The following DPP10 variants were observed in gnomAD, a reference collection of about 807,000 sequenced individuals.
DPP10 encodes the protein inactive dipeptidyl peptidase 10.
In DPP10, 33 loss-of-function variants were observed where a neutral mutation model predicts 120.9. That is an observed-to-expected ratio of 0.27 (90% CI 0.21 to 0.37). The LOEUF (loss-of-function observed/expected upper bound fraction) is 0.37, where lower values mean the gene tolerates loss of function less well. Among genes scored for constraint, DPP10 ranks in the 10% least tolerant of loss-of-function variants. The pLI, the probability that DPP10 is intolerant of heterozygous loss-of-function variation, is 1.00. For missense variants in DPP10, 816 were observed against 942.8 expected (o/e 0.87, Z 1.76); for synonymous variants, 337 against 326.1 (o/e 1.03, Z -0.36).
intron 5 of DPP10, among the ~76,000 whole-genome samples, chr2:115,646,374 G>A (rs2087259158): frequency 1.3e-5 from 2 of 151,802 alleles, no homozygotes; most frequent in Non-Finnish European, 2.9e-5. Flanking sequence ...GCCTGACTCT[G>A]GGTAAAAAAA....
chr2:115,472,904 A>T (rs568200741), intron 3 of DPP10, among the ~76,000 whole-genome samples: 14 of 152,168 alleles, frequency 9.2e-5, no homozygotes, highest in African/African-American at 3.4e-4. Context: ...GAAGGCATGT[A>T]TTTGCCTGTT....
At chr2:114,869,887 C>T (rs944593905) in intron 1 of DPP10, among the ~76,000 whole-genome samples, 2 of 152,144 alleles carry the variant, frequency 1.3e-5, no homozygotes, top group African/African-American at 4.8e-5. Flanking sequence ...CCCTTACTGG[C>T]TGTATGGACT....
chr2:115,156,091 A>G, intron 1 of DPP10, among the ~76,000 whole-genome samples: 1 of 152,296 alleles, frequency 6.6e-6, no homozygotes, highest in African/African-American at 2.4e-5. Context: ...AGGGATATAC[A>G]CTAGCAAGCA....
chr2:114,972,727 C>T (rs1699477893), intron 1 of DPP10, among the ~76,000 whole-genome samples: 1 of 152,168 alleles, frequency 6.6e-6, no homozygotes, highest in Admixed American at 6.5e-5. Flanking sequence ...GTATTCTAAT[C>T]AAGAAAGTGT....
intron 3 of DPP10, among the ~76,000 whole-genome samples, chr2:115,402,430 T>A (rs553264604): frequency 6.6e-6 from 1 of 152,170 alleles, no homozygotes; most frequent in South Asian, 2.1e-4. Context: ...GGTTATTCAG[T>A]AAACAAATCA....
intron 3 of DPP10, among the ~76,000 whole-genome samples, chr2:115,462,366 T>C (rs990572655): frequency 5.3e-5 from 8 of 152,176 alleles, no homozygotes; most frequent in African/African-American, 1.7e-4. Context: ...TTTTCTACAA[T>C]TAATACTTCT....
intron 21 of DPP10, 58 bp from the exon 22 acceptor site, chr2:115,836,099 A>ATGTGTG (rs10549769): frequency 3.5e-5 from 21 of 608,280 alleles, no homozygotes; most frequent in African/African-American, 3.4e-4. Context: ...GTGTGTGTGT[A>ATGTGTG]TGTGTGTGTG....
At chr2:115,324,618 A>G (rs766522176) in intron 2 of DPP10, among the ~76,000 whole-genome samples, 2 of 152,132 alleles carry the variant, frequency 1.3e-5, no homozygotes, top group East Asian at 1.9e-4. Context: ...TTGATCTTCT[A>G]TCCAGAACAC....
At chr2:114,505,033 C>A (rs1683515598) in intron 1 of DPP10, among the ~76,000 whole-genome samples, 1 of 104,898 alleles carries the variant, frequency 9.5e-6, no homozygotes, top group Non-Finnish European at 1.7e-5. Context: ...GCCTGGGCAA[C>A]AGAGTGAGAC....
At chr2:115,603,241 C>G (rs1236337736) in intron 5 of DPP10, among the ~76,000 whole-genome samples, 1 of 151,226 alleles carries the variant, frequency 6.6e-6, no homozygotes, top group East Asian at 1.9e-4. Context: ...ATTCCATCAT[C>G]AAGACACAGC....
chr2:115,109,594 GA>G (rs1381337684), intron 1 of DPP10, among the ~76,000 whole-genome samples: 1 of 152,022 alleles, frequency 6.6e-6, no homozygotes, highest in African/African-American at 2.4e-5. Flanking sequence ...GACGTACAAA[GA>G]AAAAGCTAGA....
chr2:114,943,323 G>T (rs527508701), intron 1 of DPP10, among the ~76,000 whole-genome samples: 30 of 152,236 alleles, frequency 2.0e-4, no homozygotes, highest in Middle Eastern at 3.4e-3. Context: ...ACCCAGGCTG[G>T]AGTGCAATGG....
At chr2:114,869,795 C>T (rs1352243542) in intron 1 of DPP10, among the ~76,000 whole-genome samples, 1 of 152,180 alleles carries the variant, frequency 6.6e-6, no homozygotes, top group East Asian at 1.9e-4. Context: ...CTAGTTGCAA[C>T]AAACACGTAT....
chr2:114,961,931 G>A (rs1367930960), intron 1 of DPP10, among the ~76,000 whole-genome samples: 1 of 152,000 alleles, frequency 6.6e-6, no homozygotes, highest in Non-Finnish European at 1.5e-5. Context: ...TCCAGCCTGG[G>A]CAACAGAGTT....
intron 1 of DPP10, among the ~76,000 whole-genome samples, chr2:114,829,202 C>T (rs1297758611): frequency 6.6e-6 from 1 of 151,814 alleles, no homozygotes. Flanking sequence ...AGAAGGAGAA[C>T]TGCTTGAACC....
chr2:114,861,870 A>C (rs1689833515), intron 1 of DPP10, among the ~76,000 whole-genome samples: 1 of 152,190 alleles, frequency 6.6e-6, no homozygotes, highest in African/African-American at 2.4e-5. Context: ...TGTGTAATAC[A>C]AGGTGCTTAA....
At chr2:114,702,848 A>T (rs1429830911) in intron 1 of DPP10, among the ~76,000 whole-genome samples, 1 of 152,154 alleles carries the variant, frequency 6.6e-6, no homozygotes, top group Non-Finnish European at 1.5e-5. Context: ...AAAGGAGCCA[A>T]AGGAAAACCC....
At chr2:115,616,218 A>T (rs2084482612) in intron 5 of DPP10, among the ~76,000 whole-genome samples, 1 of 152,120 alleles carries the variant, frequency 6.6e-6, no homozygotes. Context: ...ATAAAATATC[A>T]CTTTGTCAGT....
intron 1 of DPP10, among the ~76,000 whole-genome samples, chr2:115,173,961 A>G (rs563620147): frequency 2.9e-4 from 44 of 152,336 alleles, no homozygotes; most frequent in African/African-American, 1.0e-3. Context: ...AAGGAGCCTC[A>G]CTCAATTATC....
Sources: allele counts gnomAD v4.1 joint callset (sites outside exome capture counted in the v4.1 genomes callset), GRCh38; gene constraint gnomAD v4.1.1; transcripts MANE v1.5; gene names NCBI Gene and HGNC (gene_info 2026-07-23, HGNC 2026-07-21).